The following TSPAN16 variants were observed in gnomAD, a reference collection of about 807,000 sequenced individuals.
The protein encoded by TSPAN16 is tetraspanin 16.
A neutral mutation model predicts 25.2 loss-of-function variants in TSPAN16; 23 were observed. The observed-to-expected ratio is 0.91, with a 90% CI of 0.66 to 1.29. The LOEUF (loss-of-function observed/expected upper bound fraction) is 1.29, where lower values mean the gene tolerates loss of function less well. Ranked by LOEUF, TSPAN16 falls within the 50% of genes most tolerant of loss-of-function variation. TSPAN16 has a pLI of 0.00. For missense variants in TSPAN16, 272 were observed against 299.9 expected, an observed-to-expected ratio of 0.91 and a Z score of 0.69; for synonymous variants, 123 against 124.4, an observed-to-expected ratio of 0.99 and a Z score of 0.08.
At chr19:11,303,549 TCA>T (rs2080590900) in intron 4 of TSPAN16, among the ~76,000 whole-genome samples, 1 of 90,002 alleles carries the variant, frequency 1.1e-5, no homozygotes, top group African/African-American at 4.5e-5. Context: ...CCAAGAATGA[TCA>T]ATAAAAAATA....
chr19:11,325,614 G>T (rs1234961542), intron 6 of TSPAN16: 2 of 1,447,122 alleles, frequency 1.4e-6, no homozygotes, highest in Non-Finnish European at 1.8e-6. Flanking sequence ...GGGGACACTC[G>T]TAAGACCCCT....
Position 11,306,594 on chromosome 19 carries a change from C to T in TSPAN16, c.451-10C>T, listed in dbSNP as rs758475799. The T allele has an allele frequency of 1.2e-6, 2 of 1,612,608 alleles. No individual in the cohort carries two copies. The highest frequency in any genetic ancestry group is 1.3e-5 in the African/African-American group (1 of 74,874). ...AGGGACTCTCCAAGTATTTCTTCTCCTCTCTATAGCTAAAGTGCTGTGGGG... is the reference window on the plus strand; with the variant it reads ...AGGGACTCTCCAAGTATTTCTTCTCTTCTCTATAGCTAAAGTGCTGTGGGG... On this transcript the variant is annotated splice_polypyrimidine_tract_variant and intron_variant, in intron 4 of 6. Coordinates refer to ENST00000590327, the MANE Select transcript of TSPAN16 (RefSeq NM_001282509.2).
chr19:11,325,360 A>T, intron 6 of TSPAN16: 1 of 1,086,944 alleles, frequency 9.2e-7, no homozygotes, highest in Non-Finnish European at 1.2e-6. Flanking sequence ...GTCCCTGCCG[A>T]GGCAGGAGAG....
chr19:11,301,293 C>G lies in TSPAN16; in HGVS notation c.435C>G (p.Asn145Lys). ...CAGACGACTATTCTACACAGTGGAACTTGGTCATGGAGAAGGTGAGGCTTA... is the reference window on the plus strand; with the variant it reads ...CAGACGACTATTCTACACAGTGGAAGTTGGTCATGGAGAAGGTGAGGCTTA... ...NEPDDYSTQWNLVMEKLKCCG... is the reference protein window; with the variant it reads ...NEPDDYSTQWKLVMEKLKCCG... Residue 145 changes from asparagine (N) to lysine (K), a missense_variant, in exon 4 of 7, where the codon AAC becomes AAG. By Grantham distance (94) the Asn-to-Lys change is moderately conservative. Coordinates refer to ENST00000590327, the MANE Select transcript of TSPAN16 (RefSeq NM_001282509.2). 6.2e-7 allele frequency: 1 copy of G among 1,613,184 alleles called. No homozygotes were observed. Among genetic ancestry groups the G allele is most frequent in the Non-Finnish European group, 8.5e-7 (1 of 1,179,502 alleles).
rs75539011 is a variant in TSPAN16 at position 11,305,901 on chromosome 19, G to A, written c.451-703G>A. On this transcript the variant is annotated intron_variant, in intron 4 of 6. Transcript: ENST00000590327. ...GGCAATCTCTGGTTCTTCCGTTACT[G>A]ACATGTGAGTGGAGAGATGGGCAAG... Among the ~76,000 whole-genome samples, 559 of 152,306 alleles carry A rather than the reference G, an allele frequency of 3.7e-3. 7 individuals are homozygous for A. The highest frequency in any genetic ancestry group is 0.013 in the African/African-American group (537 of 41,560).
chr19:11,315,250 T>G (rs1400480449), intron 6 of TSPAN16, among the ~76,000 whole-genome samples: 1 of 120,602 alleles, frequency 8.3e-6, no homozygotes, highest in Non-Finnish European at 1.6e-5. Context: ...ATAATAATAA[T>G]AATAATAATA....
chr19:11,299,478 G>A (rs146151627), intron 3 of TSPAN16, among the ~76,000 whole-genome samples: 497 of 152,242 alleles, frequency 3.3e-3, no homozygotes, highest in Non-Finnish European at 4.7e-3. Flanking sequence ...CTTGGGTTTG[G>A]TGGCAGGAGA....
intron 2 of TSPAN16, among the ~76,000 whole-genome samples, chr19:11,298,576 A>G (rs2147933757): frequency 6.6e-6 from 1 of 152,092 alleles, no homozygotes; most frequent in Admixed American, 6.6e-5. Context: ...CTGGGATTAC[A>G]GGCACCCCTA....
chr19:11,301,122 C>G, intron 3 of TSPAN16, 79 bp from the exon 4 acceptor site: 1 of 1,241,676 alleles, frequency 8.1e-7, no homozygotes, highest in Admixed American at 1.7e-5. Context: ...ACCTCCCACT[C>G]TATCCTCAAG....
intron 2 of TSPAN16, 114 bp downstream of exon 2, chr19:11,298,453 G>A: frequency 1.0e-6 from 1 of 960,838 alleles, no homozygotes; most frequent in Non-Finnish European, 1.5e-6. Context: ...TTTTTTTGCG[G>A]GGACAGGGTT....
chr19:11,298,435 A>ATT (rs34774674), intron 2 of TSPAN16, 96 bp downstream of exon 2: 1,414 of 943,652 alleles, frequency 1.5e-3, no homozygotes, highest in Middle Eastern at 2.1e-3. Context: ...GGTGTCACCT[A>ATT]TTTTTTTTTT....
At chr19:11,317,754 T>G (rs957756114), downstream of TSPAN16, among the ~76,000 whole-genome samples, 2 of 147,178 alleles carry the variant, frequency 1.4e-5, no homozygotes, top group Non-Finnish European at 3.0e-5. Context: ...ACCCAGGAGG[T>G]GGAGGTTGCA....
chr19:11,318,226 C>T (rs559288486), downstream of TSPAN16, among the ~76,000 whole-genome samples: 5 of 152,124 alleles, frequency 3.3e-5, no homozygotes, highest in East Asian at 5.8e-4. Context: ...GGGGTTTCAC[C>T]GTGTTAGCCA....
At chr19:11,314,961 C>T (rs920420658) in intron 6 of TSPAN16, among the ~76,000 whole-genome samples, 42 of 152,122 alleles carry the variant, frequency 2.8e-4, no homozygotes, top group Admixed American at 1.2e-3. Context: ...ATGGGCCAGG[C>T]GCGGTAGTTC....
At chr19:11,313,877 A>C (rs1397244532) in intron 6 of TSPAN16, among the ~76,000 whole-genome samples, 1 of 152,234 alleles carries the variant, frequency 6.6e-6, no homozygotes, top group Non-Finnish European at 1.5e-5. Flanking sequence ...AGATAATTGA[A>C]GACATGTATC....
Position 11,302,664 on chromosome 19 carries a change from T to C in TSPAN16, c.450+1356T>C, listed in dbSNP as rs1351199091. On this transcript the variant is annotated intron_variant, in intron 4 of 6. Coordinates refer to ENST00000590327, the MANE Select transcript of TSPAN16 (RefSeq NM_001282509.2). Reference sequence around the variant, plus strand: ...ATACATATATATATACACATACATATATATATATATATATACACACACACA... The same window carrying C: ...ATACATATATATATACACATACATACATATATATATATATACACACACACA... Among the ~76,000 whole-genome samples the C allele has an allele frequency of 5.4e-4, 53 of 98,258 alleles. 1 individual carries two copies. The highest frequency in any genetic ancestry group is 3.2e-3 in the African/African-American group (48 of 14,802). 64.5% of individuals were successfully genotyped at this position (98,258 alleles called of 152,430 possible).
chr19:11,319,139 GA>G, downstream of TSPAN16, among the ~76,000 whole-genome samples: 1 of 152,332 alleles, frequency 6.6e-6, no homozygotes, highest in African/African-American at 2.4e-5. Context: ...CCTCACTTCA[GA>G]GGTATCAAGT....
chr19:11,306,514 C>A, intron 4 of TSPAN16, 90 bp from the exon 5 acceptor site: 1 of 1,482,202 alleles, frequency 6.7e-7, no homozygotes, highest in Non-Finnish European at 9.3e-7. Flanking sequence ...GATATTGTGA[C>A]CATACTAGAC....
intron 3 of TSPAN16, among the ~76,000 whole-genome samples, chr19:11,299,712 C>T (rs745918009): frequency 6.6e-6 from 1 of 152,220 alleles, no homozygotes; most frequent in Middle Eastern, 3.4e-3. Context: ...CGGTGGCTCA[C>T]GCCTATAATC....
Sources: allele counts gnomAD v4.1 joint callset (sites outside exome capture counted in the v4.1 genomes callset), GRCh38; gene constraint gnomAD v4.1.1; transcripts MANE v1.5; gene names NCBI Gene and HGNC (gene_info 2026-07-23, HGNC 2026-07-21).